HDAC7: variants seen among roughly 807,000 people sequenced by gnomAD.
HDAC7 encodes the protein histone deacetylase 7.
Under a neutral mutation model 115.5 loss-of-function variants are expected in HDAC7, and 26 were observed. The observed-to-expected ratio is 0.23, with a 90% CI of 0.16 to 0.31. The LOEUF (loss-of-function observed/expected upper bound fraction) is 0.31, where lower values mean the gene tolerates loss of function less well. HDAC7 is among the 10% of genes least tolerant of loss of function. HDAC7 has a pLI of 1.00. For synonymous variants in HDAC7, 564 were observed against 550.9 expected (o/e 1.02, Z -0.33); for missense variants, 1,068 against 1,329.0 (o/e 0.80, Z 3.05).
intron 24 of HDAC7, 147 bp downstream of exon 24, chr12:47,785,240 G>A (rs761146668): frequency 1.1e-5 from 8 of 697,936 alleles, no homozygotes; most frequent in South Asian, 1.8e-5. Context: ...CACCATTGCT[G>A]CCTGGGTCAC....
chr12:47,799,728 A>C lies in HDAC7; in HGVS notation c.71-756T>G, dbSNP rs536264817. ...TGTCCTCTGCACCCACACTAGGAGCACCCTGCCAAGGCTGTGGGTGCAGGG... is the reference window on the plus strand; with the variant it reads ...TGTCCTCTGCACCCACACTAGGAGCCCCCTGCCAAGGCTGTGGGTGCAGGG... On this transcript the variant is annotated intron_variant, in intron 2 of 25. Coordinates refer to ENST00000080059, the MANE Select transcript of HDAC7 (RefSeq NM_015401.5). Among the ~76,000 whole-genome samples the C allele has an allele frequency of 5.9e-5, 9 of 152,290 alleles. No homozygotes were observed. In the South Asian group the frequency reaches 1.9e-3, roughly 32 times the overall value.
chr12:47,814,555 A>T (rs1158702932), intron 1 of HDAC7, among the ~76,000 whole-genome samples: 1 of 152,220 alleles, frequency 6.6e-6, no homozygotes, highest in Non-Finnish European at 1.5e-5. Context: ...CCATGGAAGA[A>T]AAAGGGTGCT....
Position 47,793,360 on chromosome 12 carries a change from C to CCG in HDAC7, c.1678+8_1678+9insCG. The CCG allele has an allele frequency of 1.3e-6, 2 of 1,499,186 alleles. No individual in the cohort carries two copies. The highest frequency in any genetic ancestry group is 1.8e-6 in the Non-Finnish European group (2 of 1,114,144). 92.9% of individuals were successfully genotyped at this position (1,499,186 alleles called of 1,614,324 possible). On this transcript the variant is annotated intron_variant, in intron 13 of 25. Transcript: ENST00000080059. This position sits in a 1 kb window ranked among gnomAD's most constrained non-coding sequence, Gnocchi z 4.5. ...CTCCCTCCACCCGCCACCCTCCTCC[C>CCG]GGTCTCACCTGTGGTGAAGGGCAGG...
chr12:47,805,634 C>T (rs1944366753), intron 1 of HDAC7, among the ~76,000 whole-genome samples: 1 of 152,252 alleles, frequency 6.6e-6, no homozygotes, highest in Non-Finnish European at 1.5e-5. Context: ...AGAAAGAACA[C>T]TGTGGTTGCC....
Position 47,806,480 on chromosome 12 carries a change from G to A in HDAC7, c.20-4206C>T, listed in dbSNP as rs371119746. Among the ~76,000 whole-genome samples the A allele has an allele frequency of 6.7e-4, 102 of 152,344 alleles. 3 individuals are homozygous for A. In the South Asian group the frequency reaches 9.9e-3, roughly 15 times the overall value. On this transcript the variant is annotated intron_variant, in intron 1 of 25. Coordinates refer to ENST00000080059, the MANE Select transcript of HDAC7 (RefSeq NM_015401.5). ...AAGGCGGGCAGATTACTTGAGGTCAGGAGTTCGAGACCAGCTTGGCCGACA... is the reference window on the plus strand; with the variant it reads ...AAGGCGGGCAGATTACTTGAGGTCAAGAGTTCGAGACCAGCTTGGCCGACA...
At position 47,788,179 on chromosome 12, in the gene HDAC7, G is replaced by A. The variant is rs1054125324; in HGVS notation, c.2236-15C>T. 2.8e-5 allele frequency: 45 copies of A among 1,591,212 alleles called. No individual in the cohort carries two copies. Among genetic ancestry groups the A allele is most frequent in the Middle Eastern group, 1.7e-4 (1 of 5,954 alleles). On this transcript the variant is annotated splice_polypyrimidine_tract_variant and intron_variant, in intron 19 of 25. Coordinates refer to ENST00000080059, the MANE Select transcript of HDAC7 (RefSeq NM_015401.5). ...TGGTGCACGTCCTGTGTAGGGAGAC[G>A]GGCAGCGATTAGGGAAGGCAGAGAG...
At chr12:47,799,670 T>C (rs373599268) in intron 2 of HDAC7, among the ~76,000 whole-genome samples, 10 of 152,324 alleles carry the variant, frequency 6.6e-5, no homozygotes, top group East Asian at 1.9e-4. Context: ...CCTGGCATGG[T>C]CAGGATGGCA....
At chr12:47,794,355 T>A (rs141833362) in intron 12 of HDAC7, among the ~76,000 whole-genome samples, 3 of 152,260 alleles carry the variant, frequency 2.0e-5, no homozygotes, top group African/African-American at 7.2e-5. Flanking sequence ...GGCAAGCTAA[T>A]GCACTGGGTC....
chr12:47,797,203 C>T lies in HDAC7; in HGVS notation c.578-61G>A. 1 of 1,558,714 alleles carries T rather than the reference C, an allele frequency of 6.4e-7. No homozygotes were observed. The highest frequency in any genetic ancestry group is 8.7e-7 in the Non-Finnish European group (1 of 1,150,666). Reference sequence around the variant, plus strand: ...ACCCTTCTTTTTTCCACCCTTTAACCCCTCAGTCCCAGTCATCTCTATCGG... The same window carrying T: ...ACCCTTCTTTTTTCCACCCTTTAACTCCTCAGTCCCAGTCATCTCTATCGG... On this transcript the variant is annotated intron_variant, in intron 6 of 25. Transcript: ENST00000080059. This position sits in a 1 kb window ranked among gnomAD's most constrained non-coding sequence, Gnocchi z 5.5.
chr12:47,807,822 A>C (rs577334663), intron 1 of HDAC7, among the ~76,000 whole-genome samples: 4 of 152,294 alleles, frequency 2.6e-5, no homozygotes. Flanking sequence ...TGCTGGAAAC[A>C]GGGGGCTGGC....
chr12:47,805,614 A>G (rs1331077977), intron 1 of HDAC7, among the ~76,000 whole-genome samples: 1 of 152,230 alleles, frequency 6.6e-6, no homozygotes, highest in Non-Finnish European at 1.5e-5. Flanking sequence ...TCCAAGAACA[A>G]ATAAACAGGA....
chr12:47,791,620 G>C lies in HDAC7; in HGVS notation c.1899C>G (p.Leu633=). 6.2e-7 allele frequency: 1 copy of C among 1,610,388 alleles called. No homozygotes were observed. The highest frequency in any genetic ancestry group is 8.5e-7 in the Non-Finnish European group (1 of 1,178,476). The part of the protein sequence containing the change: ...RHVLLYGTNP[L]SRLKLDNGKL... ...TCCCGTTGTCCAGTTTGAGGCGGCT[G>C]AGCGGGTTGGTGCCGTAGAGGAGCA... Residue 633 remains leucine, a synonymous_variant, in exon 15 of 26, where the codon CTC becomes CTG. Coordinates refer to ENST00000080059, the MANE Select transcript of HDAC7 (RefSeq NM_015401.5).
Position 47,793,314 on chromosome 12 carries a change from T to C in HDAC7, c.1678+55A>G. ...CCCAAGTGACACCAAGACACCCACA[T>C]GGACTCGTGCAGCCGAGCCCCTCCC... On this transcript the variant is annotated intron_variant, in intron 13 of 25. Coordinates refer to ENST00000080059, the MANE Select transcript of HDAC7 (RefSeq NM_015401.5). The surrounding 1 kb of genome is among the most constrained non-coding windows in gnomAD (Gnocchi z 4.5). 7.5e-7 allele frequency: 1 copy of C among 1,328,320 alleles called. No homozygotes were observed. Among genetic ancestry groups the C allele is most frequent in the Non-Finnish European group, 1.0e-6 (1 of 984,060 alleles). 82.3% of individuals were successfully genotyped at this position (1,328,320 alleles called of 1,614,324 possible).
intron 2 of HDAC7, among the ~76,000 whole-genome samples, chr12:47,801,200 G>A (rs575010418): frequency 1.3e-5 from 2 of 152,320 alleles, no homozygotes; most frequent in African/African-American, 4.8e-5. Flanking sequence ...ACCAGGATTA[G>A]TGCTCTGTGG....
At chr12:47,806,557 C>T (rs1464804532) in intron 1 of HDAC7, among the ~76,000 whole-genome samples, 2 of 152,018 alleles carry the variant, frequency 1.3e-5, no homozygotes, top group Non-Finnish European at 2.9e-5. Context: ...GGCATGGTGG[C>T]GGGGAGCATG....
chr12:47,784,361 C>T, intron 24 of HDAC7, 144 bp from the exon 25 acceptor site: 2 of 817,508 alleles, frequency 2.4e-6, no homozygotes, highest in South Asian at 1.8e-5. Flanking sequence ...GCTCTCCCAC[C>T]TGCCCCTCTC....
rs1332244544 is a variant in HDAC7 at position 47,783,565 on chromosome 12, A to AG, written c.*275dup. 15 of 496,842 alleles carry AG rather than the reference A, an allele frequency of 3.0e-5. No homozygotes were observed. Among genetic ancestry groups the AG allele is most frequent in the Non-Finnish European group, 4.4e-5 (12 of 272,232 alleles). The allele number at this position is 496,842 out of a possible 1,614,324, so 30.8% of individuals were successfully genotyped here. Reference sequence around the variant, plus strand: ...TGCAGTCCTGAGGAATGGGGGCCACAGCCAGGGCCCATACTGGAGGGGAGA... The same window carrying AG: ...TGCAGTCCTGAGGAATGGGGGCCACAGGCCAGGGCCCATACTGGAGGGGAGA... On this transcript the variant is annotated 3_prime_UTR_variant, in exon 26 of 26. Coordinates refer to ENST00000080059, the MANE Select transcript of HDAC7 (RefSeq NM_015401.5).
rs777458723 is a variant in HDAC7 at position 47,794,833 on chromosome 12, C to G, written c.1385G>C (p.Gly462Ala). The G allele has an allele frequency of 6.2e-7, 1 of 1,613,246 alleles. No individual in the cohort carries two copies. Among genetic ancestry groups the G allele is most frequent in the South Asian group, 1.1e-5 (1 of 91,074 alleles). Residue 462 changes from glycine to alanine, a missense_variant, in exon 12 of 26, where the codon GGC becomes GCC. Coordinates refer to ENST00000080059, the MANE Select transcript of HDAC7 (RefSeq NM_015401.5). ...GGGPGQVVDD[G>A]LEHRELGHGQ... ...ATGGCCCAGCTCCCTGTGCTCCAGG[C>G]CATCGTCCACCACCTGGCCCGGTCC...
rs763032948 is a variant in HDAC7 at position 47,798,784 on chromosome 12, C to T, written c.258+1G>A. The T allele has an allele frequency of 7.7e-6, 12 of 1,555,668 alleles. No homozygotes were observed. In the Admixed American group the frequency reaches 2.3e-4, roughly 30 times the overall value. On this transcript the variant is annotated splice_donor_variant, in intron 3 of 25. Coordinates refer to ENST00000080059, the MANE Select transcript of HDAC7 (RefSeq NM_015401.5). LOFTEE classifies it high-confidence loss of function. This position sits in a 1 kb window ranked among gnomAD's most constrained non-coding sequence, Gnocchi z 4.3. ...CCACATGCAGGGAGCTCCATCTTTACCCTCATGGGCTCCACCGAGCGCTGC... is the reference window on the plus strand; with the variant it reads ...CCACATGCAGGGAGCTCCATCTTTATCCTCATGGGCTCCACCGAGCGCTGC...
Sources: allele counts gnomAD v4.1 joint callset (sites outside exome capture counted in the v4.1 genomes callset), GRCh38; gene constraint gnomAD v4.1.1; non-coding constraint Gnocchi (gnomAD v3.1); transcripts MANE v1.5; gene names NCBI Gene and HGNC (gene_info 2026-07-23, HGNC 2026-07-21).